The following WASF1 variants were observed in gnomAD, a reference collection of about 807,000 sequenced individuals.
WASF1 encodes the protein actin-binding protein WASF1.
Under a neutral mutation model 50.5 loss-of-function variants are expected in WASF1, and 7 were observed. The ratio of observed to expected loss-of-function variants is 0.14; its 90% CI spans 0.08 to 0.26. The LOEUF (loss-of-function observed/expected upper bound fraction) is 0.26. Ranked by LOEUF, WASF1 falls within the 10% of genes least tolerant of loss-of-function variation. The pLI, the probability that WASF1 is intolerant of heterozygous loss-of-function variation, is 1.00. For synonymous variants in WASF1, 205 were observed against 244.0 expected, an observed-to-expected ratio of 0.84 and a Z score of 1.49; for missense variants, 470 against 694.7, an observed-to-expected ratio of 0.68 and a Z score of 3.64.
intron 4 of WASF1, among the ~76,000 whole-genome samples, chr6:110,123,082 A>G (rs1004865905): frequency 6.6e-6 from 1 of 152,226 alleles, no homozygotes; most frequent in African/African-American, 2.4e-5. Flanking sequence ...TGAGGGTTAG[A>G]GAAGATTATG....
In WASF1 at chr6:110,117,314, T is replaced by G. The variant is rs1040051333; in HGVS notation, c.134-3854A>C. 3.6e-4 allele frequency among the ~76,000 whole-genome samples: 55 copies of G among 152,304 alleles called. 1 individual carries two copies. Among genetic ancestry groups the G allele is most frequent in the Non-Finnish European group, 3.4e-4 (23 of 68,022 alleles). ...CTAGAATAAAATGTAGAGAAGACCT[T>G]AAATGACCTGATGGAGCTGAAAACC... On this transcript the variant is annotated intron_variant, in intron 4 of 10. Coordinates refer to ENST00000392589, the MANE Select transcript of WASF1 (RefSeq NM_003931.3).
chr6:110,178,850 G>A (rs1460995735), intron 1 of WASF1, 108 bp from the exon 2 acceptor site: 1 of 152,466 alleles, frequency 6.6e-6, no homozygotes, highest in Non-Finnish European at 1.5e-5. Context: ...AGCGCTGAGT[G>A]AGCGGCTCCG....
chr6:110,154,687 A>G (rs1269280652), intron 3 of WASF1, among the ~76,000 whole-genome samples: 1 of 152,120 alleles, frequency 6.6e-6, no homozygotes, highest in East Asian at 1.9e-4. Flanking sequence ...CCTGAATATA[A>G]TTACCTTTGA....
chr6:110,162,134 T>C (rs568398360), intron 2 of WASF1, among the ~76,000 whole-genome samples: 188 of 151,476 alleles, frequency 1.2e-3, no homozygotes, highest in African/African-American at 4.4e-3. Flanking sequence ...AGAGTAAAAA[T>C]AATACAAACA....
intron 3 of WASF1, among the ~76,000 whole-genome samples, chr6:110,146,753 T>A (rs533559893): frequency 6.6e-6 from 1 of 152,280 alleles, no homozygotes; most frequent in African/African-American, 2.4e-5. Context: ...TCAAAATAAC[T>A]TCACTTACCA....
intron 5 of WASF1, among the ~76,000 whole-genome samples, chr6:110,109,011 A>C (rs1026320343): frequency 2.0e-5 from 3 of 152,094 alleles, no homozygotes; most frequent in African/African-American, 4.8e-5. Flanking sequence ...CCACCAACTT[A>C]GGTTCTCTTC....
At chr6:110,155,206 G>C (rs1776007213) in intron 3 of WASF1, among the ~76,000 whole-genome samples, 1 of 151,964 alleles carries the variant, frequency 6.6e-6, no homozygotes, top group African/African-American at 2.4e-5. Context: ...TACTAATTCA[G>C]TAACTCTTAA....
intron 3 of WASF1, among the ~76,000 whole-genome samples, chr6:110,138,608 C>A (rs1467574946): frequency 3.9e-5 from 6 of 152,200 alleles, no homozygotes; most frequent in Non-Finnish European, 5.9e-5. Context: ...GTGTCCAGCT[C>A]TCAGCAGAGA....
chr6:110,107,879 G>A lies in WASF1; in HGVS notation c.422+649C>T, dbSNP rs762578672. The stretch of plus-strand genomic sequence containing the variant: ...TATACAAATCAAATCAAGAGTAGAC[G>A]AAACAGGCCGGGCGCAGTGGCTCAC... On this transcript the variant is annotated intron_variant, in intron 6 of 10. Transcript: ENST00000392589. Among the ~76,000 whole-genome samples, 50 of 152,060 alleles carry A rather than the reference G, an allele frequency of 3.3e-4. 1 individual carries two copies. The highest frequency in any genetic ancestry group is 6.2e-4 in the South Asian group (3 of 4,824).
At chr6:110,161,436 C>A (rs1199074284) in intron 2 of WASF1, among the ~76,000 whole-genome samples, 2 of 151,412 alleles carry the variant, frequency 1.3e-5, no homozygotes, top group East Asian at 3.9e-4. Flanking sequence ...CATATTGATC[C>A]CCCGAATAAG....
chr6:110,142,016 T>C (rs1775264774), intron 3 of WASF1, among the ~76,000 whole-genome samples: 1 of 152,208 alleles, frequency 6.6e-6, no homozygotes, highest in African/African-American at 2.4e-5. Context: ...TCCACCCGCC[T>C]CACACATACA....
chr6:110,145,369 T>C (rs1169331652), intron 3 of WASF1, among the ~76,000 whole-genome samples: 1 of 152,184 alleles, frequency 6.6e-6, no homozygotes, highest in East Asian at 1.9e-4. Context: ...GCTGAGACAA[T>C]GGGGTTTTCT....
chr6:110,141,435 T>C (rs550943193), intron 3 of WASF1, among the ~76,000 whole-genome samples: 2 of 152,284 alleles, frequency 1.3e-5, no homozygotes, highest in East Asian at 3.9e-4. Flanking sequence ...AGGCAGCAAC[T>C]CTTTTCTGAA....
At chr6:110,171,796 T>C (rs909896800) in intron 2 of WASF1, among the ~76,000 whole-genome samples, 1 of 152,100 alleles carries the variant, frequency 6.6e-6, no homozygotes, top group Non-Finnish European at 1.5e-5. Flanking sequence ...GACAAAGGGC[T>C]AATATTCAGA....
At chr6:110,103,141 T>C (rs144734296) in intron 9 of WASF1, among the ~76,000 whole-genome samples, 85 of 152,302 alleles carry the variant, frequency 5.6e-4, no homozygotes, top group African/African-American at 1.9e-3. Context: ...TTACAAATAA[T>C]GTCCCACAGA....
chr6:110,170,747 T>G (rs1776677190), intron 2 of WASF1, among the ~76,000 whole-genome samples: 1 of 151,246 alleles, frequency 6.6e-6, no homozygotes, highest in South Asian at 2.1e-4. Flanking sequence ...AGTAAAGAAA[T>G]GGAGAAAGAT....
chr6:110,143,792 G>A (rs993575880), intron 3 of WASF1, among the ~76,000 whole-genome samples: 9 of 152,054 alleles, frequency 5.9e-5, no homozygotes, highest in African/African-American at 2.2e-4. Context: ...TCATTTAAAG[G>A]TGTTTCAGTA....
intron 3 of WASF1, among the ~76,000 whole-genome samples, chr6:110,146,740 A>G (rs1232199916): frequency 6.6e-6 from 1 of 152,154 alleles, no homozygotes; most frequent in Non-Finnish European, 1.5e-5. Context: ...AAAAAACTGA[A>G]GTTCAAAATA....
intron 2 of WASF1, among the ~76,000 whole-genome samples, chr6:110,173,335 C>G (rs1776795008): frequency 6.6e-6 from 1 of 152,110 alleles, no homozygotes; most frequent in African/African-American, 2.4e-5. Context: ...AACAAAAAAA[C>G]TTTGCTGTCA....
Sources: gnomAD v4.1 joint callset for allele counts (sites outside exome capture counted in the v4.1 genomes callset) on GRCh38, gnomAD v4.1.1 for gene constraint, MANE v1.5 for transcripts, NCBI Gene and HGNC (gene_info 2026-07-23, HGNC 2026-07-21) for gene names.